Variants in NCAPD3 observed in about 807,000 individuals in gnomAD.
NCAPD3 encodes condensin-2 complex subunit D3.
Under a neutral mutation model 182.9 loss-of-function variants are expected in NCAPD3, and 105 were observed. The observed-to-expected ratio is 0.57, with a 90% CI of 0.49 to 0.68. NCAPD3 has a LOEUF of 0.68. NCAPD3 is among the 30% of genes least tolerant of loss of function. The probability of loss-of-function intolerance (pLI) is 0.00; values close to 1 mark genes in which losing one functional copy is unlikely to be tolerated. For synonymous variants in NCAPD3, 815 were observed against 679.9 expected, an observed-to-expected ratio of 1.20 and a Z score of -3.09; for missense variants, 1,944 against 1,837.0, an observed-to-expected ratio of 1.06 and a Z score of -1.07.
Position 134,204,389 on chromosome 11 carries a change from G to A in NCAPD3, c.1090-218C>T, listed in dbSNP as rs1200081375. Among the ~76,000 whole-genome samples the A allele has an allele frequency of 3.3e-5, 5 of 152,242 alleles. No individual in the cohort carries two copies. Among genetic ancestry groups the A allele is most frequent in the African/African-American group, 1.2e-4 (5 of 41,532 alleles). On this transcript the variant is annotated intron_variant, in intron 9 of 34. Transcript: ENST00000534548. The surrounding 1 kb of genome is among the most constrained non-coding windows in gnomAD (Gnocchi z 4.3). ...CCAGAAAAATGCACATACAAATTTA[G>A]TATACAATTTCAGAGAGTTTTTAGA...
intron 4 of NCAPD3, 169 bp from the exon 5 acceptor site, chr11:134,209,646 C>A: frequency 3.4e-6 from 2 of 595,570 alleles, no homozygotes; most frequent in Non-Finnish European, 2.9e-6. Context: ...TTGGCCACAA[C>A]AGTAAATCAC....
chr11:134,188,315 G>A (rs374361015), intron 16 of NCAPD3, among the ~76,000 whole-genome samples: 2 of 152,204 alleles, frequency 1.3e-5, no homozygotes, highest in African/African-American at 4.8e-5. Context: ...TCTAGCTACA[G>A]GATTGTAAAT....
intron 29 of NCAPD3, among the ~76,000 whole-genome samples, chr11:134,159,059 A>C (rs1198169911): frequency 1.3e-5 from 2 of 152,236 alleles, no homozygotes; most frequent in African/African-American, 4.8e-5. Context: ...TTTCTTTACC[A>C]TTCATCCACT....
intron 20 of NCAPD3, among the ~76,000 whole-genome samples, chr11:134,180,173 C>G (rs1944263686): frequency 6.6e-6 from 1 of 152,122 alleles, no homozygotes; most frequent in Non-Finnish European, 1.5e-5. Context: ...CTAAAGCACC[C>G]AGGTTCCCAT....
At chr11:134,225,024 G>T, upstream of NCAPD3, 5 of 1,166,240 alleles carry the variant, frequency 4.3e-6, no homozygotes, top group Non-Finnish European at 5.6e-6. Context: ...GGCCGAGCGC[G>T]CTCGCGCATC....
Position 134,151,809 on chromosome 11 carries a change from G to C in NCAPD3, c.*1135C>G, listed in dbSNP as rs933611068. On this transcript the variant is annotated 3_prime_UTR_variant, in exon 35 of 35. Transcript: ENST00000534548. ...ACGTTGGGTTTGTCTCTTCTTCCTA[G>C]CATTTCAGTGGTTAGGCATGCACAC... is the stretch of plus-strand genomic sequence containing the variant. 43 of 152,030 alleles carry C rather than the reference G, an allele frequency of 2.8e-4. No homozygotes were observed. Among genetic ancestry groups the C allele is most frequent in the African/African-American group, 9.9e-4 (41 of 41,504 alleles). The allele number at this position is 152,030 out of a possible 1,614,324, so 9.4% of individuals were successfully genotyped here.
intron 3 of NCAPD3, among the ~76,000 whole-genome samples, chr11:134,216,727 A>T (rs1938039186): frequency 6.6e-6 from 1 of 152,040 alleles, no homozygotes; most frequent in Non-Finnish European, 1.5e-5. Context: ...AGATAGCATA[A>T]CTTCGGATGA....
chr11:134,160,257 G>A (rs534265907), intron 28 of NCAPD3, among the ~76,000 whole-genome samples, 183 bp from the exon 29 acceptor site: 32 of 152,200 alleles, frequency 2.1e-4, no homozygotes, highest in Non-Finnish European at 2.9e-5. Context: ...TAAATCATAG[G>A]AACAATAGGA....
rs574957830 is a variant in NCAPD3 at position 134,184,542 on chromosome 11, T to C, written c.2451+95A>G. The C allele has an allele frequency of 4.0e-4, 336 of 842,648 alleles. 9 individuals carry two copies. The South Asian group carries it at 5.8e-3, about 15-fold the overall frequency. 52.2% of individuals were successfully genotyped at this position (842,648 alleles called of 1,614,324 possible). ...CGGGGGACATCCTTACACGTCCTCT[T>C]ATTTATAGAGAATGCTCCTCACACT... On this transcript the variant is annotated intron_variant, in intron 19 of 34. Coordinates refer to ENST00000534548, the MANE Select transcript of NCAPD3 (RefSeq NM_015261.3).
In NCAPD3 at chr11:134,152,841, T is replaced by C. The variant is rs1943292748; in HGVS notation, c.*103A>G. ...GCTCTCGTGTTCCACAGCAAAGCGC[T>C]GCCCAAGGACTGCGGGAAGTGATCC... On this transcript the variant is annotated 3_prime_UTR_variant, in exon 35 of 35. Transcript: ENST00000534548. 1 of 917,830 alleles carries C rather than the reference T, an allele frequency of 1.1e-6. No homozygotes were observed. The highest frequency in any genetic ancestry group is 1.7e-5 in the South Asian group (1 of 58,876). The allele number at this position is 917,830 out of a possible 1,614,324, so 56.9% of individuals were successfully genotyped here.
chr11:134,209,671 G>C (rs759879111), intron 4 of NCAPD3, 194 bp from the exon 5 acceptor site: 23 of 513,622 alleles, frequency 4.5e-5, no homozygotes, highest in African/African-American at 4.3e-4. Context: ...CTAGATGACC[G>C]CTACAGTAGT....
At chr11:134,212,149 G>A (rs988567944) in intron 3 of NCAPD3, among the ~76,000 whole-genome samples, 1 of 152,162 alleles carries the variant, frequency 6.6e-6, no homozygotes, top group Non-Finnish European at 1.5e-5. Context: ...CAAAACCTGA[G>A]AGGGTTTATG....
At position 134,150,619 on chromosome 11, in the gene NCAPD3, C is replaced by T. The variant is rs552708784; in HGVS notation, c.*2325G>A. The T allele has an allele frequency of 5.3e-5, 8 of 152,026 alleles. No homozygotes were observed. In the East Asian group the frequency reaches 7.8e-4, roughly 15 times the overall value. 9.4% of individuals were successfully genotyped at this position (152,026 alleles called of 1,614,324 possible). A position where few individuals can be genotyped will look rare whatever the true frequency, so the allele number is the denominator to read the frequency against. ...CCTCTTTTTGGTTATGGATGGCTCA[C>T]AAAATAGGGCCCCCAATGCTATTTT... On this transcript the variant is annotated 3_prime_UTR_variant, in exon 35 of 35. Transcript: ENST00000534548.
chr11:134,163,889 A>G (rs974021947), intron 27 of NCAPD3, among the ~76,000 whole-genome samples: 13 of 150,126 alleles, frequency 8.7e-5, no homozygotes, highest in Middle Eastern at 6.8e-3. Flanking sequence ...AAAAAAAAAA[A>G]AAAGAAAAAG....
intron 25 of NCAPD3, 31 bp from the exon 26 acceptor site, chr11:134,168,633 C>G: frequency 2.5e-6 from 4 of 1,613,338 alleles, no homozygotes; most frequent in Non-Finnish European, 3.4e-6. Context: ...TTCACTGCAT[C>G]ACATGGGCAC....
At chr11:134,164,755 G>GT (rs1022093298) in intron 27 of NCAPD3, among the ~76,000 whole-genome samples, 7 of 151,884 alleles carry the variant, frequency 4.6e-5, no homozygotes, top group African/African-American at 1.7e-4. Flanking sequence ...ACACTCACTT[G>GT]TGACATGAGC....
Position 134,204,875 on chromosome 11 carries a change from T to C in NCAPD3, c.1089+24A>G. The C allele has an allele frequency of 6.4e-7, 1 of 1,566,384 alleles. No individual in the cohort carries two copies. Among genetic ancestry groups the C allele is most frequent in the South Asian group, 1.1e-5 (1 of 89,796 alleles). ...CACACACGATATACTTCCATGTTAT[T>C]AATATTACTAAGGCAAACAGTACCT... On this transcript the variant is annotated intron_variant, in intron 9 of 34. Coordinates refer to ENST00000534548, the MANE Select transcript of NCAPD3 (RefSeq NM_015261.3). This position sits in a 1 kb window ranked among gnomAD's most constrained non-coding sequence, Gnocchi z 4.3.
chr11:134,163,871 C>CAAAAAAAAAAAAAAAAA (rs60340458), intron 27 of NCAPD3, among the ~76,000 whole-genome samples: 1 of 70,874 alleles, frequency 1.4e-5, no homozygotes, highest in African/African-American at 5.3e-5. Flanking sequence ...GATTCTGTCT[C>CAAAAAAAAAAAAAAAAA]AAAAAAAAAA....
chr11:134,220,366 TAA>T (rs199616299), intron 2 of NCAPD3, among the ~76,000 whole-genome samples: 1 of 145,656 alleles, frequency 6.9e-6, no homozygotes. Context: ...AGTCGTGTCT[TAA>T]AAAAAAAAAA....
Sources: gnomAD v4.1 joint callset for allele counts (sites outside exome capture counted in the v4.1 genomes callset) on GRCh38, gnomAD v4.1.1 for gene constraint, Gnocchi (gnomAD v3.1) non-coding constraint, MANE v1.5 for transcripts, NCBI Gene and HGNC (gene_info 2026-07-23, HGNC 2026-07-21) for gene names.